IL17RD: variants seen among roughly 807,000 people sequenced by gnomAD.
IL17RD encodes the protein interleukin-17 receptor D.
In IL17RD, 52 loss-of-function variants were observed where a neutral mutation model predicts 80.5. The ratio of observed to expected loss-of-function variants is 0.65; its 90% confidence interval spans 0.52 to 0.81. The LOEUF is 0.81. Ranked by LOEUF, IL17RD falls within the 40% of genes least tolerant of loss-of-function variation. IL17RD has a pLI of 0.00. For missense variants in IL17RD, 1,024 were observed against 955.1 expected (o/e 1.07, Z -0.95); for synonymous variants, 416 against 391.8 (o/e 1.06, Z -0.73).
chr3:57,125,114 G>C (rs1707431157), intron 1 of IL17RD, among the ~76,000 whole-genome samples: 1 of 152,142 alleles, frequency 6.6e-6, no homozygotes, highest in Non-Finnish European at 1.5e-5. Context: ...GAGCTATAAA[G>C]TATATGAATA....
At chr3:57,119,808 T>C (rs1372009080) in intron 2 of IL17RD, among the ~76,000 whole-genome samples, 1 of 152,182 alleles carries the variant, frequency 6.6e-6, no homozygotes, top group Non-Finnish European at 1.5e-5. Flanking sequence ...GGAAATCAAT[T>C]TGCTACCTTC....
intron 1 of IL17RD, among the ~76,000 whole-genome samples, chr3:57,138,250 T>C (rs1007054273): frequency 7.9e-5 from 12 of 152,180 alleles, no homozygotes; most frequent in African/African-American, 2.4e-4. Context: ...GTTAAAATGG[T>C]AAATTTTATG....
At chr3:57,134,610 G>A (rs1428783876) in intron 1 of IL17RD, 3 of 946,230 alleles carry the variant, frequency 3.2e-6, no homozygotes, top group Non-Finnish European at 5.2e-6. Context: ...GGCTGACCAG[G>A]CTAAGGCCCG....
At chr3:57,166,949 G>A (rs1001236143), upstream of IL17RD, among the ~76,000 whole-genome samples, 4 of 152,164 alleles carry the variant, frequency 2.6e-5, no homozygotes, top group African/African-American at 7.2e-5. Context: ...CTGCCCACAC[G>A]TCCTTGGAGG....
At chr3:57,143,123 C>T (rs1392635756) in intron 1 of IL17RD, among the ~76,000 whole-genome samples, 1 of 152,106 alleles carries the variant, frequency 6.6e-6, no homozygotes, top group Non-Finnish European at 1.5e-5. Flanking sequence ...GCAGCTAAGC[C>T]CCCTTTCAAA....
Position 57,113,148 on chromosome 3 carries a change from T to C in IL17RD, c.310+1544A>G, listed in dbSNP as rs558187425. On this transcript the variant is annotated intron_variant, in intron 3 of 12. Transcript: ENST00000296318. ...TCTTTCCTGTGTATCTTCAATTCAT[T>C]CAAGAGGACAAGCAGATTTAGCCCC... Among the ~76,000 whole-genome samples the C allele has an allele frequency of 1.4e-4, 21 of 152,334 alleles. No individual in the cohort carries two copies. In the South Asian group the frequency reaches 2.1e-3, roughly 15 times the overall value.
intron 2 of IL17RD, 26 bp from the exon 3 acceptor site, chr3:57,114,843 G>C (rs1015006005): frequency 1.3e-6 from 2 of 1,506,992 alleles, no homozygotes; most frequent in Non-Finnish European, 1.8e-6. Flanking sequence ...AATGAGAACA[G>C]TTAAATTTAA....
chr3:57,113,699 C>T (rs1020934829), intron 3 of IL17RD, among the ~76,000 whole-genome samples: 1 of 151,930 alleles, frequency 6.6e-6, no homozygotes, highest in Non-Finnish European at 1.5e-5. Flanking sequence ...CCACCATGCC[C>T]GGATAATTTT....
chr3:57,102,443 C>A, intron 10 of IL17RD, 36 bp downstream of exon 10: 1 of 1,250,154 alleles, frequency 8.0e-7, no homozygotes, highest in Non-Finnish European at 1.1e-6. Context: ...CTGGCCTGCC[C>A]CTTGTTGTGG....
intron 1 of IL17RD, among the ~76,000 whole-genome samples, chr3:57,162,347 G>T (rs1007188950): frequency 5.9e-5 from 9 of 152,196 alleles, no homozygotes; most frequent in Non-Finnish European, 1.2e-4. Context: ...CCTCTGATTT[G>T]CATCACATAT....
At position 57,095,251 on chromosome 3, in the gene IL17RD, T is replaced by G. The variant is rs2107457565; in HGVS notation, c.*1142A>C. 6.6e-6 allele frequency: 1 copy of G among 152,372 alleles called. No homozygotes were observed. Among genetic ancestry groups the G allele is most frequent in the South Asian group, 2.1e-4 (1 of 4,828 alleles). The allele number at this position is 152,372 out of a possible 1,614,324, so 9.4% of individuals were successfully genotyped here. ...ACAGGGGAGACCAAGACAGCATTCA[T>G]TACACACATGCTAATCATCAGATGG... is the stretch of plus-strand genomic sequence containing the variant. On this transcript the variant is annotated 3_prime_UTR_variant, in exon 13 of 13. Transcript: ENST00000296318.
intron 11 of IL17RD, among the ~76,000 whole-genome samples, chr3:57,098,984 T>C (rs1706765989): frequency 6.6e-6 from 1 of 152,200 alleles, no homozygotes; most frequent in Non-Finnish European, 1.5e-5. Context: ...TGGCAGGCTC[T>C]GAGAGGAGGA....
chr3:57,164,848 C>T, intron 1 of IL17RD: 1 of 1,113,750 alleles, frequency 9.0e-7, no homozygotes, highest in Non-Finnish European at 1.1e-6. Flanking sequence ...GGGCCAAGAA[C>T]AAAGGGTGGG....
chr3:57,167,836 CT>C (rs960600645), upstream of IL17RD, among the ~76,000 whole-genome samples: 2 of 151,658 alleles, frequency 1.3e-5, no homozygotes, highest in South Asian at 2.1e-4. Flanking sequence ...TATTCTTTCT[CT>C]TTTTTTTTCT....
chr3:57,148,308 G>C (rs1252003655), intron 1 of IL17RD, among the ~76,000 whole-genome samples: 7 of 143,320 alleles, frequency 4.9e-5, no homozygotes, highest in Admixed American at 1.4e-4. Flanking sequence ...CTGGGCAACA[G>C]AGCGAGACTC....
intron 2 of IL17RD, among the ~76,000 whole-genome samples, chr3:57,115,454 C>G (rs1455991910): frequency 6.6e-6 from 1 of 152,094 alleles, no homozygotes; most frequent in Non-Finnish European, 1.5e-5. Context: ...TCCAAGGCAC[C>G]CCACATTACT....
chr3:57,134,376 C>T (rs1321638722), intron 1 of IL17RD: 8 of 694,678 alleles, frequency 1.2e-5, no homozygotes, highest in Admixed American at 3.7e-5. Context: ...CATAAGTAAG[C>T]GAAAGGGTAC....
upstream of IL17RD, among the ~76,000 whole-genome samples, chr3:57,167,211 T>TA (rs1157650372): frequency 6.6e-6 from 1 of 152,142 alleles, no homozygotes; most frequent in Non-Finnish European, 1.5e-5. Flanking sequence ...TTTTTTTTTT[T>TA]TACCTCACTG....
In IL17RD at chr3:57,133,403, A is replaced by G. The variant is rs369805057; in HGVS notation, c.127-13090T>C. On this transcript the variant is annotated intron_variant, in intron 1 of 12. Transcript: ENST00000296318. Reference sequence around the variant, plus strand: ...TACCACATGGAATTTCCATTAAAGCACACACACACACATGCAAACACACAT... The same window carrying G: ...TACCACATGGAATTTCCATTAAAGCGCACACACACACATGCAAACACACAT... 9.2e-5 allele frequency among the ~76,000 whole-genome samples: 14 copies of G among 152,136 alleles called. No individual in the cohort carries two copies. The East Asian group carries it at 2.7e-3, about 29-fold the overall frequency.
Sources: allele counts gnomAD v4.1 joint callset (sites outside exome capture counted in the v4.1 genomes callset), GRCh38; gene constraint gnomAD v4.1.1; transcripts MANE v1.5; gene names NCBI Gene and HGNC (gene_info 2026-07-23, HGNC 2026-07-21).